The following CRYBG2 variants were observed in gnomAD, a reference collection of about 807,000 sequenced individuals.
CRYBG2 encodes crystallin beta-gamma domain containing 2.
Under a neutral mutation model 153.4 loss-of-function variants are expected in CRYBG2, and 106 were observed. The observed-to-expected ratio is 0.69, with a 90% CI of 0.59 to 0.81. The LOEUF (loss-of-function observed/expected upper bound fraction) is 0.81, where lower values mean the gene tolerates loss of function less well. Among genes scored for constraint, CRYBG2 ranks in the 30% least tolerant of loss-of-function variants. CRYBG2 has a pLI of 0.00. For missense variants in CRYBG2, 1,996 were observed against 2,112.0 expected, an observed-to-expected ratio of 0.95 and a Z score of 1.08; for synonymous variants, 851 against 877.8, an observed-to-expected ratio of 0.97 and a Z score of 0.54.
At chr1:26,349,343 A>G (rs2124056122) in intron 1 of CRYBG2, among the ~76,000 whole-genome samples, 1 of 152,140 alleles carries the variant, frequency 6.6e-6, no homozygotes, top group East Asian at 1.9e-4. Flanking sequence ...TGACGCGGCT[A>G]TGAGGTTGTC....
rs2074222343 is a variant in CRYBG2, at chr1:26,346,439, T to C, written c.219A>G (p.Glu73=). ...VEVNGFATQE[E]ETVNCQGPRD... is the part of the protein sequence containing the mutation. ...GAGGGCCCTGGCAATTCACAGTCTC[T>C]TCTTCCTGTGTTGCAAAGCCATTGA... The change falls in exon 2 of 20, where the codon GAA becomes GAG. Residue 73 remains glutamate, a synonymous_variant. Coordinates refer to ENST00000308182, the MANE Select transcript of CRYBG2 (RefSeq NM_001039775.4). This position sits in a 1 kb window ranked among gnomAD's most constrained non-coding sequence, Gnocchi z 4.9. The C allele has an allele frequency of 1.9e-6, 3 of 1,603,232 alleles. No homozygotes were observed. The highest frequency in any genetic ancestry group is 1.7e-5 in the Admixed American group (1 of 59,946).
Position 26,343,198 on chromosome 1 carries a change from A to G in CRYBG2, c.2962-39T>C. On this transcript the variant is annotated intron_variant, in intron 3 of 19. Coordinates refer to ENST00000308182, the MANE Select transcript of CRYBG2 (RefSeq NM_001039775.4). This position sits in a 1 kb window ranked among gnomAD's most constrained non-coding sequence, Gnocchi z 4.1. ...GAAGGGGTCCTCAGGCCCTGACCCC[A>G]GGCCCCTGCATCCTGCTGCCCCCAC... The G allele has an allele frequency of 6.4e-7, 1 of 1,550,554 alleles. No individual in the cohort carries two copies. The highest frequency in any genetic ancestry group is 2.4e-5 in the East Asian group (1 of 40,910).
chr1:26,337,505 G>A (rs923511074), intron 9 of CRYBG2, 33 bp downstream of exon 9: 2 of 1,609,798 alleles, frequency 1.2e-6, no homozygotes, highest in Admixed American at 1.7e-5. Context: ...GGCCAGAGGT[G>A]ATGAAATAGA....
In CRYBG2 at chr1:26,345,542, C is replaced by A. The variant is rs757825133; in HGVS notation, c.1116G>T (p.Gln372His). ...PSPGLTHPAKQPVVPTHPGAR... is the reference protein window; with the variant it reads ...PSPGLTHPAKHPVVPTHPGAR... ...CCCCGGGGTGAGTGGGCACCACAGG[C>A]TGCTTTGCAGGGTGAGTTAGGCCAG... Residue 372 changes from glutamine (Q) to histidine (H), a missense_variant, in exon 2 of 20, where the codon CAG (glutamine) becomes CAT (histidine). Physicochemically the swap from Gln to His is conservative, Grantham distance 24 (BLOSUM62 0). Coordinates refer to ENST00000308182, the MANE Select transcript of CRYBG2 (RefSeq NM_001039775.4). 6 of 1,602,912 alleles carry A rather than the reference C, an allele frequency of 3.7e-6. No homozygotes were observed. The highest frequency in any genetic ancestry group is 3.3e-4 in the Middle Eastern group (2 of 6,050).
At chr1:26,328,384 G>C (rs753118074) in intron 16 of CRYBG2, 52 bp from the exon 17 acceptor site, 1 of 1,545,428 alleles carries the variant, frequency 6.5e-7, no homozygotes, top group South Asian at 1.2e-5. Context: ...CACACAGACA[G>C]ACAGACAGGT....
Position 26,328,758 on chromosome 1 carries a change from AG to A in CRYBG2, c.4429del (p.Leu1477CysfsTer34). The A allele has an allele frequency of 6.2e-7, 1 of 1,614,002 alleles. No individual in the cohort carries two copies. Among genetic ancestry groups the A allele is most frequent in the Non-Finnish European group, 8.5e-7 (1 of 1,179,984 alleles). ...CATGCCCCCCTTGATCCGCACAGACAGCACATGGTTGTTGAAGCCCTCGGCT... is the reference window on the plus strand; with the variant it reads ...CATGCCCCCCTTGATCCGCACAGACACACATGGTTGTTGAAGCCCTCGGCT... ...LQAEGFNNHV[L>X]SVRIKGGIWV... On this transcript the variant is annotated frameshift_variant, in exon 16 of 20. Transcript: ENST00000308182. LOFTEE classifies it high-confidence loss of function.
rs998983533 is a variant in CRYBG2 at position 26,345,788 on chromosome 1, G to A, written c.870C>T (p.Ala290=). The A allele has an allele frequency of 3.8e-6, 6 of 1,596,630 alleles. No homozygotes were observed. Among genetic ancestry groups the A allele is most frequent in the East Asian group, 2.2e-5 (1 of 44,858 alleles). The change falls in exon 2 of 20, where the codon GCC becomes GCT. Residue 290 remains alanine (A), a synonymous_variant. Transcript: ENST00000308182. ...TGGCTGGGATGCCTGTAGAGGCCAG[G>A]GCAGAGCTGTCTTTAAGCTCTGCTG... is the stretch of plus-strand genomic sequence containing the variant. ...TGTAELKDSS[A]LASTGIPASA...
intron 1 of CRYBG2, among the ~76,000 whole-genome samples, chr1:26,352,349 A>G (rs1400395837): frequency 6.6e-6 from 1 of 152,136 alleles, no homozygotes; most frequent in Non-Finnish European, 1.5e-5. Context: ...CAGAGCCACA[A>G]CAGACACACA....
intron 4 of CRYBG2, 79 bp downstream of exon 4, chr1:26,342,968 C>A: frequency 6.4e-7 from 1 of 1,560,908 alleles, no homozygotes; most frequent in Non-Finnish European, 8.7e-7. Flanking sequence ...TTCTCCCAGG[C>A]TGGACTGGTC....
intron 15 of CRYBG2, among the ~76,000 whole-genome samples, chr1:26,331,232 G>A (rs2073993191): frequency 6.6e-6 from 1 of 152,162 alleles, no homozygotes; most frequent in Non-Finnish European, 1.5e-5. Flanking sequence ...TAATCTTTAT[G>A]TCTATGGGAT....
intron 1 of CRYBG2, among the ~76,000 whole-genome samples, chr1:26,352,717 C>G (rs532608062): frequency 1.3e-5 from 2 of 151,968 alleles, no homozygotes; most frequent in Admixed American, 6.6e-5. Context: ...CAGGTAGTGG[C>G]AGATAGAAAC....
chr1:26,345,974 C>CGAGCCTGGTGGG lies in CRYBG2; in HGVS notation c.672_683dup (p.Pro226_Pro229dup), dbSNP rs1394127636. ...CTTTCACGGCCTGGCTGCGGCTGGG[C>CGAGCCTGGTGGG]GAGCCTGGTGGGGAGCCCACCACCA... is the stretch of plus-strand genomic sequence containing the variant. On this transcript the variant is annotated inframe_insertion, in exon 2 of 20. Transcript: ENST00000308182. The CGAGCCTGGTGGG allele has an allele frequency of 1.8e-5, 28 of 1,592,916 alleles. No individual in the cohort carries two copies. Among genetic ancestry groups the CGAGCCTGGTGGG allele is most frequent in the Non-Finnish European group, 2.2e-5 (26 of 1,176,938 alleles).
In CRYBG2 at chr1:26,336,433, G is replaced by T. The variant is rs1383107959; in HGVS notation, c.4039-63C>A. On this transcript the variant is annotated intron_variant, in intron 12 of 19. Transcript: ENST00000308182. This position sits in a 1 kb window ranked among gnomAD's most constrained non-coding sequence, Gnocchi z 4.9. ...CCGGCCCCTAGCCTTGTCTTCTCTA[G>T]GTTTCAGTACCGTCCACCCCGCGGC... 3.1e-6 allele frequency: 5 copies of T among 1,594,932 alleles called. No individual in the cohort carries two copies. In the East Asian group the frequency reaches 1.1e-4, roughly 37 times the overall value.
Position 26,331,476 on chromosome 1 carries a change from CA to C in CRYBG2, c.4314+12del, listed in dbSNP as rs754743565. Reference sequence around the variant, plus strand: ...GCTTCCGGGATTGCCTGGAACCAGACATGGAAACTCACCAGGGATACCTTCT... The same window carrying C: ...GCTTCCGGGATTGCCTGGAACCAGACTGGAAACTCACCAGGGATACCTTCT... On this transcript the variant is annotated intron_variant, in intron 15 of 19. Coordinates refer to ENST00000308182, the MANE Select transcript of CRYBG2 (RefSeq NM_001039775.4). 6.2e-7 allele frequency: 1 copy of C among 1,606,276 alleles called. No homozygotes were observed. Among genetic ancestry groups the C allele is most frequent in the East Asian group, 2.2e-5 (1 of 44,638 alleles).
In CRYBG2 at chr1:26,325,474, C is replaced by T. The variant is rs2073912125; in HGVS notation, c.4579-1164G>A. Among the ~76,000 whole-genome samples, 2 of 152,222 alleles carry T rather than the reference C, an allele frequency of 1.3e-5. No homozygotes were observed. Among genetic ancestry groups the T allele is most frequent in the South Asian group, 2.1e-4 (1 of 4,822 alleles). On this transcript the variant is annotated intron_variant, in intron 17 of 19. Coordinates refer to ENST00000308182, the MANE Select transcript of CRYBG2 (RefSeq NM_001039775.4). This position sits in a 1 kb window ranked among gnomAD's most constrained non-coding sequence, Gnocchi z 4.1. ...ACTCGGGAGGCTGAGGCAGGAGAATCGCTTGAACCCGGGAGATGTAGGTTG... is the reference window on the plus strand; with the variant it reads ...ACTCGGGAGGCTGAGGCAGGAGAATTGCTTGAACCCGGGAGATGTAGGTTG...
chr1:26,338,596 T>C (rs1196601187), intron 6 of CRYBG2, 119 bp from the exon 7 acceptor site: 40 of 1,140,882 alleles, frequency 3.5e-5, no homozygotes, highest in Non-Finnish European at 4.8e-5. Context: ...TTCCCATCAG[T>C]CTCGTATAAT....
chr1:26,337,761 T>TGGCACCCCCCAGCCCTCCC, intron 8 of CRYBG2, 87 bp from the exon 9 acceptor site: 1 of 1,534,864 alleles, frequency 6.5e-7, no homozygotes, highest in Non-Finnish European at 8.8e-7. Flanking sequence ...CAGGCCAATG[T>TGGCACCCCCCAGCCCTCCC]GGCACCCCCC....
In CRYBG2 at chr1:26,324,206, G is replaced by C. The variant is rs761279559; in HGVS notation, c.4683C>G (p.Pro1561=). 1.9e-6 allele frequency: 3 copies of C among 1,613,048 alleles called. No homozygotes were observed. In the Admixed American group the frequency reaches 5.0e-5, roughly 27 times the overall value. The change falls in exon 18 of 20, where the codon CCC becomes CCG. Residue 1561 remains proline (P), a synonymous_variant. Coordinates refer to ENST00000308182, the MANE Select transcript of CRYBG2 (RefSeq NM_001039775.4). ...MKAGRVVVAD[P]QAGGSCIWYY... is the part of the protein sequence containing the mutation. ...ACCAGATGCAGCTACCTCCAGCTTGGGGGTCGGCGACCACCACACGGCCTG... is the reference window on the plus strand; with the variant it reads ...ACCAGATGCAGCTACCTCCAGCTTGCGGGTCGGCGACCACCACACGGCCTG...
Position 26,343,937 on chromosome 1 carries a change from G to T in CRYBG2, c.2721C>A (p.Ser907Arg). 6.5e-7 allele frequency: 1 copy of T among 1,539,234 alleles called. No individual in the cohort carries two copies. ...GSRPTSRLGG[S>R]LLFGSLVPTA... ...TAGGCACCAGACTGCCGAACAGAAG[G>T]CTGCCTCCAAGACGGGAAGTGGGCC... Residue 907 changes from serine to arginine, a missense_variant, in exon 2 of 20, where the codon AGC becomes AGA. Physicochemically the swap from Ser to Arg is moderately radical, Grantham distance 110 (BLOSUM62 -1). Transcript: ENST00000308182. This position sits in a 1 kb window ranked among gnomAD's most constrained non-coding sequence, Gnocchi z 4.1.
Sources: gnomAD v4.1 joint callset for allele counts (sites outside exome capture counted in the v4.1 genomes callset) on GRCh38, gnomAD v4.1.1 for gene constraint, Gnocchi (gnomAD v3.1) non-coding constraint, MANE v1.5 for transcripts, NCBI Gene and HGNC (gene_info 2026-07-23, HGNC 2026-07-21) for gene names.